ABCB5: variants seen among roughly 807,000 people sequenced by gnomAD.
The protein encoded by ABCB5 is ATP-binding cassette sub-family B member 5.
A neutral mutation model predicts 144.2 loss-of-function variants in ABCB5; 155 were observed. The ratio of observed to expected loss-of-function variants is 1.08; its 90% CI spans 0.94 to 1.23. The LOEUF is 1.23. Among genes scored for constraint, ABCB5 ranks in the 50% most tolerant of loss-of-function variants. The pLI is 0.00. For synonymous variants in ABCB5, 610 were observed against 528.6 expected, an observed-to-expected ratio of 1.15 and a Z score of -2.11; for missense variants, 1,830 against 1,520.8, an observed-to-expected ratio of 1.20 and a Z score of -3.38.
chr7:20,732,038 C>T (rs1483556786), intron 23 of ABCB5, among the ~76,000 whole-genome samples: 2 of 152,190 alleles, frequency 1.3e-5, no homozygotes, highest in African/African-American at 2.4e-5. Flanking sequence ...AAGCCAAAGT[C>T]CTTACCATGA....
chr7:20,712,811 T>C (rs1268949957), intron 20 of ABCB5, among the ~76,000 whole-genome samples: 1 of 149,828 alleles, frequency 6.7e-6, no homozygotes, highest in Non-Finnish European at 1.5e-5. Context: ...ATTTAGGGTA[T>C]AAAAATGATG....
chr7:20,714,829 T>A (rs1471200521), intron 20 of ABCB5, among the ~76,000 whole-genome samples: 2 of 152,184 alleles, frequency 1.3e-5, no homozygotes, highest in African/African-American at 4.8e-5. Context: ...GCCTGTCTCA[T>A]CAAAAATCTG....
At chr7:20,689,266 C>A (rs1367311096) in intron 16 of ABCB5, among the ~76,000 whole-genome samples, 1 of 152,188 alleles carries the variant, frequency 6.6e-6, no homozygotes, top group Non-Finnish European at 1.5e-5. Flanking sequence ...GGCGGAGAGG[C>A]AGGCCTCAAT....
intron 25 of ABCB5, among the ~76,000 whole-genome samples, chr7:20,743,482 C>T (rs906795443): frequency 6.6e-6 from 1 of 152,162 alleles, no homozygotes; most frequent in African/African-American, 2.4e-5. Flanking sequence ...CACCTCCCAA[C>T]TGTCAAAACT....
chr7:20,714,103 T>C (rs2128047051), intron 20 of ABCB5, among the ~76,000 whole-genome samples: 1 of 152,296 alleles, frequency 6.6e-6, no homozygotes, highest in East Asian at 1.9e-4. Flanking sequence ...CACTGGTTCA[T>C]GTATTTTGTC....
At chr7:20,749,152 CCTCT>C (rs1322233024) in intron 26 of ABCB5, among the ~76,000 whole-genome samples, 2 of 145,292 alleles carry the variant, frequency 1.4e-5, no homozygotes, top group African/African-American at 5.1e-5. Context: ...TCCCTCCCTC[CCTCT>C]CTCTCTCCTT....
chr7:20,635,337 G>C (rs900681128), intron 5 of ABCB5, among the ~76,000 whole-genome samples: 10 of 149,396 alleles, frequency 6.7e-5, no homozygotes, highest in African/African-American at 2.0e-4. Flanking sequence ...CAGGTAGTGT[G>C]ATACATCCAG....
chr7:20,750,563 G>T (rs1782891299), intron 26 of ABCB5, among the ~76,000 whole-genome samples: 1 of 152,104 alleles, frequency 6.6e-6, no homozygotes, highest in Non-Finnish European at 1.5e-5. Flanking sequence ...CAAAATTCAT[G>T]TATTTGATTA....
chr7:20,742,655 A>C (rs1444839963), intron 24 of ABCB5, among the ~76,000 whole-genome samples: 3 of 152,236 alleles, frequency 2.0e-5, no homozygotes, highest in East Asian at 1.9e-4. Context: ...AACTCAGTGA[A>C]GTCAGTAGTG....
chr7:20,719,517 T>C (rs1781792263), intron 20 of ABCB5, among the ~76,000 whole-genome samples: 1 of 152,160 alleles, frequency 6.6e-6, no homozygotes, highest in Admixed American at 6.6e-5. Flanking sequence ...TTAATGAATA[T>C]CCATAATCAT....
intron 1 of ABCB5, among the ~76,000 whole-genome samples, chr7:20,618,179 C>A (rs915455527): frequency 6.6e-6 from 1 of 152,030 alleles, no homozygotes; most frequent in Non-Finnish European, 1.5e-5. Flanking sequence ...GAAAAGAAAC[C>A]CTGTATCCCT....
chr7:20,707,429 T>C (rs953796780), intron 20 of ABCB5, among the ~76,000 whole-genome samples: 2 of 152,242 alleles, frequency 1.3e-5, no homozygotes, highest in Non-Finnish European at 2.9e-5. Context: ...CTATTGCCAG[T>C]ACATCTGTCA....
At chr7:20,689,514 T>C (rs1197940411) in intron 16 of ABCB5, among the ~76,000 whole-genome samples, 1 of 152,084 alleles carries the variant, frequency 6.6e-6, no homozygotes, top group Non-Finnish European at 1.5e-5. Context: ...TGTGGGAGGG[T>C]GCAGGCATTA....
chr7:20,646,716 T>C (rs1439338757), intron 9 of ABCB5, among the ~76,000 whole-genome samples: 2 of 152,236 alleles, frequency 1.3e-5, no homozygotes, highest in African/African-American at 4.8e-5. Flanking sequence ...CAGTTCAGGA[T>C]TAAGAAACAT....
rs1199572992 is a variant in ABCB5 at position 20,753,257 on chromosome 7, A to C, written c.3430-103A>C. On this transcript the variant is annotated intron_variant, in intron 26 of 27. Transcript: ENST00000404938. ...AACATTTGTTGGGACACAAATTTTC[A>C]AGAGTAGCAAAATTTGAAATATTTA... is the stretch of plus-strand genomic sequence containing the variant. 5 of 1,405,856 alleles carry C rather than the reference A, an allele frequency of 3.6e-6. No individual in the cohort carries two copies. In the Admixed American group the frequency reaches 7.1e-5, roughly 20 times the overall value. 87.1% of individuals were successfully genotyped at this position (1,405,856 alleles called of 1,614,324 possible). A position where few individuals can be genotyped will look rare whatever the true frequency, so the allele number is the denominator to read the frequency against.
intron 16 of ABCB5, among the ~76,000 whole-genome samples, chr7:20,694,676 T>C (rs1786347947): frequency 6.6e-6 from 1 of 151,450 alleles, no homozygotes; most frequent in Non-Finnish European, 1.5e-5. Flanking sequence ...CATGATTACT[T>C]ATGCAAACAA....
chr7:20,639,696 G>A (rs1424096051), intron 5 of ABCB5, among the ~76,000 whole-genome samples: 1 of 152,188 alleles, frequency 6.6e-6, no homozygotes, highest in Non-Finnish European at 1.5e-5. Flanking sequence ...CTCTGTTGCA[G>A]TTATTGACAT....
intron 1 of ABCB5, among the ~76,000 whole-genome samples, chr7:20,618,745 C>T (rs1281624347): frequency 7.3e-6 from 1 of 137,154 alleles, no homozygotes; most frequent in Admixed American, 7.7e-5. Flanking sequence ...GATTTCATGG[C>T]ATATATGTGC....
At chr7:20,634,406 A>G (rs1444821286) in intron 5 of ABCB5, among the ~76,000 whole-genome samples, 1 of 152,102 alleles carries the variant, frequency 6.6e-6, no homozygotes, top group East Asian at 1.9e-4. Context: ...TCCTTTGGGT[A>G]CATACTCAGT....
Sources: allele counts gnomAD v4.1 joint callset (sites outside exome capture counted in the v4.1 genomes callset), GRCh38; gene constraint gnomAD v4.1.1; transcripts MANE v1.5; gene names NCBI Gene and HGNC (gene_info 2026-07-23, HGNC 2026-07-21).